WDR91: variants seen among roughly 807,000 people sequenced by gnomAD.
WDR91 encodes WD repeat domain 91.
WDR91 carries 52 observed loss-of-function variants against 88.4 expected under a neutral mutation model. The ratio of observed to expected loss-of-function variants is 0.59; its 90% CI spans 0.47 to 0.74. The LOEUF is 0.74. Among genes scored for constraint, WDR91 ranks in the 30% least tolerant of loss-of-function variants. The probability of loss-of-function intolerance (pLI) is 0.00; values close to 1 mark genes in which losing one functional copy is unlikely to be tolerated. For synonymous variants in WDR91, 362 were observed against 389.5 expected, an observed-to-expected ratio of 0.93 and a Z score of 0.83; for missense variants, 824 against 954.5, an observed-to-expected ratio of 0.86 and a Z score of 1.80.
rs185836839 is a variant in WDR91, at chr7:135,185,568, G to T, written c.*583C>A. On this transcript the variant is annotated 3_prime_UTR_variant, in exon 15 of 15. Coordinates refer to ENST00000354475, the MANE Select transcript of WDR91 (RefSeq NM_014149.4). ...GCTGCCAGCTTTCAGGGAAGAAAAA[G>T]AATTCTGTGGCCTTGACTTAAGCCC... 1 of 152,342 alleles carries T rather than the reference G, an allele frequency of 6.6e-6. No individual in the cohort carries two copies. The highest frequency in any genetic ancestry group is 1.5e-5 in the Non-Finnish European group (1 of 68,050). 9.4% of individuals were successfully genotyped at this position (152,342 alleles called of 1,614,324 possible). A position where few individuals can be genotyped will look rare whatever the true frequency, so the allele number is the denominator to read the frequency against.
chr7:135,209,386 A>T, intron 2 of WDR91, 190 bp downstream of exon 2: 1 of 513,546 alleles, frequency 1.9e-6, no homozygotes, highest in Non-Finnish European at 3.2e-6. Flanking sequence ...GGGGAAGACA[A>T]GTCAGATGAT....
intron 6 of WDR91, among the ~76,000 whole-genome samples, chr7:135,200,875 G>A (rs978947320): frequency 1.3e-5 from 2 of 152,162 alleles, no homozygotes; most frequent in African/African-American, 2.4e-5. Flanking sequence ...CAGGATGGCA[G>A]CCATCCAAAT....
At position 135,211,287 on chromosome 7, in the gene WDR91, G is replaced by A. The variant is rs927997914; in HGVS notation, c.123+93C>T. 16 of 1,478,012 alleles carry A rather than the reference G, an allele frequency of 1.1e-5. No individual in the cohort carries two copies. The African/African-American group carries it at 2.2e-4, about 20-fold the overall frequency. The allele number at this position is 1,478,012 out of a possible 1,614,324, so 91.6% of individuals were successfully genotyped here. A position where few individuals can be genotyped will look rare whatever the true frequency, so the allele number is the denominator to read the frequency against. On this transcript the variant is annotated intron_variant, in intron 1 of 14. Coordinates refer to ENST00000354475, the MANE Select transcript of WDR91 (RefSeq NM_014149.4). ...CCGGCGCCCCGGCGCGAGTGACAGCGCCGCTCTCGCCCCGGAGGCAGTGCT... is the reference window on the plus strand; with the variant it reads ...CCGGCGCCCCGGCGCGAGTGACAGCACCGCTCTCGCCCCGGAGGCAGTGCT...
Position 135,193,217 on chromosome 7 carries a change from G to C in WDR91, c.1659+14C>G. The C allele has an allele frequency of 4.3e-6, 7 of 1,612,788 alleles. No individual in the cohort carries two copies. Among genetic ancestry groups the C allele is most frequent in the Non-Finnish European group, 5.9e-6 (7 of 1,179,826 alleles). On this transcript the variant is annotated intron_variant, in intron 11 of 14. Transcript: ENST00000354475. ...GTGCCTGGCCCCAGAGAGAGCCACA[G>C]GGCAGGCCCGTACCTGCTGCTTCAT...
Position 135,185,273 on chromosome 7 carries a change from A to G in WDR91, c.*878T>C, listed in dbSNP as rs765501395. On this transcript the variant is annotated 3_prime_UTR_variant, in exon 15 of 15. Transcript: ENST00000354475. ...CAAAATTATTTAAAATACTGTATAG[A>G]GTTACCTTCAGGCTACATGTATAAG... 1 of 152,222 alleles carries G rather than the reference A, an allele frequency of 6.6e-6. No homozygotes were observed. Among genetic ancestry groups the G allele is most frequent in the African/African-American group, 2.4e-5 (1 of 41,456 alleles). The allele number at this position is 152,222 out of a possible 1,614,324, so 9.4% of individuals were successfully genotyped here.
In WDR91 at chr7:135,209,715, A is replaced by C; in HGVS notation, c.164T>G (p.Val55Gly). 1 of 1,611,468 alleles carries C rather than the reference A, an allele frequency of 6.2e-7. No homozygotes were observed. The highest frequency in any genetic ancestry group is 8.5e-7 in the Non-Finnish European group (1 of 1,179,074). ...IVDQLQQLMQVYDLAALRDYW... is the reference protein window; with the variant it reads ...IVDQLQQLMQGYDLAALRDYW... ...ATCCCGAAGGGCAGCCAAGTCATAC[A>C]CCTGCATTAACTGCTGCAGCTGGTC... Residue 55 changes from valine (V) to glycine (G), a missense_variant, in exon 2 of 15, where the codon GTG (valine) becomes GGG (glycine). Val to Gly is a moderately radical substitution (Grantham distance 109). Transcript: ENST00000354475.
At chr7:135,195,954 A>G (rs879005626) in intron 8 of WDR91, among the ~76,000 whole-genome samples, 190 bp downstream of exon 8, 7 of 145,234 alleles carry the variant, frequency 4.8e-5, no homozygotes, top group South Asian at 4.4e-4. Flanking sequence ...CTCAATAAGG[A>G]AAAAAAAAAA....
At position 135,185,883 on chromosome 7, in the gene WDR91, CCTT is replaced by C. The variant is rs1481734203; in HGVS notation, c.*265_*267del. Reference sequence around the variant, plus strand: ...ACACAGTAGCCACTGCAATGTTTCTCCTTCTTCCGGAGCTTTCCTCCCATAGTC... The same window carrying C: ...ACACAGTAGCCACTGCAATGTTTCTCCTTCCGGAGCTTTCCTCCCATAGTC... On this transcript the variant is annotated 3_prime_UTR_variant, in exon 15 of 15. Coordinates refer to ENST00000354475, the MANE Select transcript of WDR91 (RefSeq NM_014149.4). 9 of 437,086 alleles carry C rather than the reference CCTT, an allele frequency of 2.1e-5. No homozygotes were observed. Among genetic ancestry groups the C allele is most frequent in the Admixed American group, 1.3e-4 (3 of 22,404 alleles). The allele number at this position is 437,086 out of a possible 1,614,324, so 27.1% of individuals were successfully genotyped here.
Position 135,204,424 on chromosome 7 carries a change from C to A in WDR91, c.735G>T (p.Val245=). ...AGAGGGAGGCATTCCTTTGGCTGCA[C>A]ACCATGGCACTGGTCAGCAAACACA... The part of the protein sequence containing the change: ...DRLGDSELAM[V]CSQRNASLSQ... The change falls in exon 6 of 15, where the codon GTG becomes GTT. Residue 245 remains valine, a synonymous_variant. Coordinates refer to ENST00000354475, the MANE Select transcript of WDR91 (RefSeq NM_014149.4). 6.2e-7 allele frequency: 1 copy of A among 1,614,120 alleles called. No homozygotes were observed. Among genetic ancestry groups the A allele is most frequent in the Non-Finnish European group, 8.5e-7 (1 of 1,180,006 alleles).
chr7:135,195,428 A>G (rs951216076), intron 8 of WDR91, among the ~76,000 whole-genome samples: 5 of 152,258 alleles, frequency 3.3e-5, no homozygotes, highest in Non-Finnish European at 7.3e-5. Flanking sequence ...CCCAAGAGCC[A>G]TCAGGGCTGT....
chr7:135,197,639 A>C, intron 7 of WDR91: 2 of 174,134 alleles, frequency 1.1e-5, no homozygotes, highest in Non-Finnish European at 2.4e-5. Flanking sequence ...AACCGAGGGA[A>C]CCAGGTCTCC....
chr7:135,204,156 A>G (rs978280030), intron 6 of WDR91, 112 bp downstream of exon 6: 54 of 1,244,684 alleles, frequency 4.3e-5, no homozygotes, highest in Non-Finnish European at 5.6e-5. Context: ...TGCCCAAGAA[A>G]TCAGTCCTAA....
intron 1 of WDR91, among the ~76,000 whole-genome samples, 199 bp downstream of exon 1, chr7:135,211,181 G>A (rs1157722361): frequency 1.3e-5 from 2 of 152,222 alleles, no homozygotes; most frequent in East Asian, 3.8e-4. Flanking sequence ...CCTGACTCGG[G>A]GGGCGGCTTC....
chr7:135,206,135 C>A (rs796296897), intron 4 of WDR91, 77 bp from the exon 5 acceptor site: 1 of 1,590,262 alleles, frequency 6.3e-7, no homozygotes, highest in Non-Finnish European at 8.6e-7. Context: ...CTAGACACAT[C>A]GCATCCAAGC....
chr7:135,201,903 C>T (rs945999283), intron 6 of WDR91, among the ~76,000 whole-genome samples: 13 of 151,960 alleles, frequency 8.6e-5, no homozygotes, highest in African/African-American at 3.1e-4. Context: ...ATTGTAATAG[C>T]GGGATTGAAA....
intron 13 of WDR91, 90 bp downstream of exon 13, chr7:135,188,343 T>A (rs1480100889): frequency 2.2e-5 from 22 of 1,005,714 alleles, no homozygotes; most frequent in Non-Finnish European, 3.3e-5. Context: ...AGGCCCCAGG[T>A]TGCAGAGCTA....
rs1831907461 is a variant in WDR91, at chr7:135,208,878, T to C, written c.424A>G (p.Thr142Ala). 1.2e-6 allele frequency: 2 copies of C among 1,613,934 alleles called. No homozygotes were observed. Among genetic ancestry groups the C allele is most frequent in the Admixed American group, 3.3e-5 (2 of 59,988 alleles). The change falls in exon 3 of 15, where the codon ACC becomes GCC. Residue 142 changes from threonine to alanine, a missense_variant. Transcript: ENST00000354475. ...TGTCGAGAAAAGTAGGTAGCAAAGG[T>C]GGGGTTGGTGTCCGGGGATGGCAGG... ...PFLPSPDTNP[T>A]FATYFSRQWA...
At chr7:135,192,892 C>T (rs778822225) in intron 11 of WDR91, among the ~76,000 whole-genome samples, 5 of 152,138 alleles carry the variant, frequency 3.3e-5, no homozygotes, top group Admixed American at 2.0e-4. Flanking sequence ...TCGCTTCTTA[C>T]GAATCTGTAT....
chr7:135,188,427 G>T lies in WDR91; in HGVS notation c.1881+6C>A. ...GCTCTCTTATCTGAATCCTGCAGCCGCCTACCTTCCCGTCCTCGCCGATGC... is the reference window on the plus strand; with the variant it reads ...GCTCTCTTATCTGAATCCTGCAGCCTCCTACCTTCCCGTCCTCGCCGATGC... On this transcript the variant is annotated splice_donor_region_variant and intron_variant, in intron 13 of 14. Transcript: ENST00000354475. The T allele has an allele frequency of 1.2e-6, 2 of 1,612,372 alleles. No individual in the cohort carries two copies. Among genetic ancestry groups the T allele is most frequent in the South Asian group, 2.2e-5 (2 of 91,052 alleles).
Sources: gnomAD v4.1 joint callset for allele counts (sites outside exome capture counted in the v4.1 genomes callset) on GRCh38, gnomAD v4.1.1 for gene constraint, MANE v1.5 for transcripts, NCBI Gene and HGNC (gene_info 2026-07-23, HGNC 2026-07-21) for gene names.